CFAP97: variants seen among roughly 807,000 people sequenced by gnomAD.
CFAP97 encodes cilia- and flagella-associated protein 97.
A neutral mutation model predicts 43.1 loss-of-function variants in CFAP97; 36 were observed. The observed-to-expected ratio is 0.84, with a 90% CI of 0.64 to 1.10. The LOEUF (loss-of-function observed/expected upper bound fraction) is 1.10. CFAP97 is among the 50% of genes least tolerant of loss of function. The probability of loss-of-function intolerance (pLI) is 0.00; values close to 1 mark genes in which losing one functional copy is unlikely to be tolerated. For missense variants in CFAP97, 657 were observed against 620.3 expected (o/e 1.06, Z -0.63); for synonymous variants, 228 against 225.7 (o/e 1.01, Z -0.09).
chr4:185,167,534 TATATGGTCAGAAAG>T (rs1224043771), intron 3 of CFAP97, among the ~76,000 whole-genome samples: 2 of 152,124 alleles, frequency 1.3e-5, no homozygotes, highest in African/African-American at 4.8e-5. Context: ...AAATATAAGC[TATATGGTCAGAAAG>T]ATTTGGGCTT....
upstream of CFAP97, chr4:185,209,888 C>A: frequency 2.0e-6 from 2 of 983,342 alleles, no homozygotes; most frequent in Non-Finnish European, 2.4e-6. The surrounding 1 kb of genome is among the most constrained non-coding windows in gnomAD (Gnocchi z 5.2). Flanking sequence ...GCCGCAGGCG[C>A]CGGCGGCCGT....
At position 185,176,161 on chromosome 4, in the gene CFAP97, G is replaced by A. The variant is rs976339005; in HGVS notation, c.1055-110C>T. 1.6e-5 allele frequency: 15 copies of A among 946,468 alleles called. No homozygotes were observed. The African/African-American group carries it at 2.3e-4, about 15-fold the overall frequency. 58.6% of individuals were successfully genotyped at this position (946,468 alleles called of 1,614,324 possible). The stretch of plus-strand genomic sequence containing the variant: ...GAGTTTCACTCTTGTTACCCAGACT[G>A]GAGTGCAATGGGACAATCTTAGCTC... On this transcript the variant is annotated intron_variant, in intron 2 of 4. Transcript: ENST00000458385.
upstream of CFAP97, among the ~76,000 whole-genome samples, chr4:185,206,513 G>T (rs1737191387): frequency 6.6e-6 from 1 of 151,822 alleles, no homozygotes; most frequent in South Asian, 2.1e-4. Flanking sequence ...CAAAAAATTA[G>T]CCAGGCATGC....
In CFAP97 at chr4:185,190,235, G is replaced by C; in HGVS notation, c.962C>G (p.Ser321Ter). 6.2e-7 allele frequency: 1 copy of C among 1,613,676 alleles called. No homozygotes were observed. The highest frequency in any genetic ancestry group is 8.5e-7 in the Non-Finnish European group (1 of 1,179,764). Residue 321 changes from serine (S) to a stop codon, truncating the protein, a stop_gained, in exon 2 of 5, where the codon TCA becomes TGA. Transcript: ENST00000458385. LOFTEE classifies it high-confidence loss of function. ...GKEKHEPDVSSKSSSVLDSSL... is the reference protein window; with the variant it reads ...GKEKHEPDVS Reference sequence around the variant, plus strand: ...GGAGTCTAACACTGAAGACGACTTTGAGGAGACATCAGGCTCATGTTTTTC... The same window carrying C: ...GGAGTCTAACACTGAAGACGACTTTCAGGAGACATCAGGCTCATGTTTTTC...
At chr4:185,203,104 A>G (rs1043736970) in intron 1 of CFAP97, among the ~76,000 whole-genome samples, 1 of 151,822 alleles carries the variant, frequency 6.6e-6, no homozygotes, top group East Asian at 1.9e-4. Flanking sequence ...GGAGGCCAAG[A>G]CAGGAGGATC....
At chr4:185,173,340 TGAC>T (rs1403048748) in intron 3 of CFAP97, among the ~76,000 whole-genome samples, 1 of 134,930 alleles carries the variant, frequency 7.4e-6, no homozygotes, top group Non-Finnish European at 1.5e-5. Context: ...TCCAGCCTGG[TGAC>T]GAGCCAGACT....
intron 3 of CFAP97, among the ~76,000 whole-genome samples, chr4:185,167,686 T>C (rs963730193): frequency 6.6e-6 from 1 of 152,082 alleles, no homozygotes; most frequent in Non-Finnish European, 1.5e-5. Flanking sequence ...CTTAAAATAG[T>C]GCCTAGTATC....
chr4:185,191,858 A>T (rs1438447753), intron 1 of CFAP97, among the ~76,000 whole-genome samples: 1 of 151,894 alleles, frequency 6.6e-6, no homozygotes. Context: ...AAAAACAAAA[A>T]CCCCAAAGAT....
rs2111300644 is a variant in CFAP97 at position 185,160,623 on chromosome 4, T to G, written c.*2175A>C. 1 of 151,452 alleles carries G rather than the reference T, an allele frequency of 6.6e-6. No homozygotes were observed. Among genetic ancestry groups the G allele is most frequent in the African/African-American group, 2.4e-5 (1 of 41,336 alleles). The allele number at this position is 151,452 out of a possible 1,614,324, so 9.4% of individuals were successfully genotyped here. ...ACTCTTGCCCTTTCCAACTTTTACT[T>G]TAAGTTGGATCCCTGTTATCAGTAA... On this transcript the variant is annotated 3_prime_UTR_variant, in exon 5 of 5. Transcript: ENST00000458385.
intron 2 of CFAP97, among the ~76,000 whole-genome samples, chr4:185,187,427 T>C (rs1274986407): frequency 6.6e-6 from 1 of 151,948 alleles, no homozygotes; most frequent in African/African-American, 2.4e-5. Flanking sequence ...TTTCAGAGTC[T>C]AGTAAGTATC....
chr4:185,209,402 A>C lies in CFAP97; in HGVS notation c.-151T>G, dbSNP rs1442172908. 2 of 152,294 alleles carry C rather than the reference A, an allele frequency of 1.3e-5. No homozygotes were observed. Among genetic ancestry groups the C allele is most frequent in the Non-Finnish European group, 2.9e-5 (2 of 68,082 alleles). The allele number at this position is 152,294 out of a possible 1,614,324, so 9.4% of individuals were successfully genotyped here. On this transcript the variant is annotated 5_prime_UTR_variant, in exon 1 of 3. Transcript: ENST00000503223. The surrounding 1 kb of genome is among the most constrained non-coding windows in gnomAD (Gnocchi z 5.2). ...AACAGACGGCATCCTGTAGAGGAGG[A>C]GGGGAGCGTGGGAAAGAGAGGTGTG...
upstream of CFAP97, among the ~76,000 whole-genome samples, chr4:185,208,026 C>G (rs1737265984): frequency 6.6e-6 from 1 of 152,182 alleles, no homozygotes; most frequent in Admixed American, 6.5e-5. Context: ...GTAGGGTACA[C>G]TTTGAGGGGC....
intron 3 of CFAP97, among the ~76,000 whole-genome samples, chr4:185,174,555 C>T (rs1469281388): frequency 6.6e-6 from 1 of 152,154 alleles, no homozygotes; most frequent in Admixed American, 6.5e-5. Context: ...GGTAATGACA[C>T]ATAAGGAGGG....
intron 1 of CFAP97, among the ~76,000 whole-genome samples, chr4:185,193,070 T>TAA (rs1262674007): frequency 1.3e-5 from 2 of 151,770 alleles, no homozygotes; most frequent in African/African-American, 4.8e-5. Flanking sequence ...TATTCTCCAC[T>TAA]AAAAAACCCC....
chr4:185,198,302 G>T (rs1252045790), intron 1 of CFAP97, among the ~76,000 whole-genome samples: 1 of 151,836 alleles, frequency 6.6e-6, no homozygotes, highest in East Asian at 1.9e-4. Context: ...AACCAGCCAG[G>T]TGTGGTGGCA....
chr4:185,190,264 C>A lies in CFAP97; in HGVS notation c.933G>T (p.Gly311=). The A allele has an allele frequency of 6.2e-7, 1 of 1,612,962 alleles. No individual in the cohort carries two copies. The highest frequency in any genetic ancestry group is 8.5e-7 in the Non-Finnish European group (1 of 1,179,310). ...AGACATCAGGCTCATGTTTTTCTTT[C>A]CCTTTTTTGGCTGCTTTCAAATATT... The part of the protein sequence containing the change: ...NSKYLKAAKK[G]KEKHEPDVSS... Residue 311 remains glycine, a synonymous_variant, in exon 2 of 5, where the codon GGG becomes GGT. Coordinates refer to ENST00000458385, the MANE Select transcript of CFAP97 (RefSeq NM_020827.3).
At chr4:185,182,850 A>C (rs780765038) in intron 2 of CFAP97, among the ~76,000 whole-genome samples, 1 of 152,216 alleles carries the variant, frequency 6.6e-6, no homozygotes, top group Non-Finnish European at 1.5e-5. Context: ...CTGTAATCCC[A>C]GCACTTTGGG....
intron 2 of CFAP97, among the ~76,000 whole-genome samples, chr4:185,184,304 T>A (rs909583775): frequency 6.6e-6 from 1 of 152,212 alleles, no homozygotes; most frequent in Admixed American, 6.5e-5. Context: ...GTATATCTAT[T>A]TTCCTCCTAC....
At chr4:185,199,095 G>GGGTACA (rs1168274814) in intron 1 of CFAP97, among the ~76,000 whole-genome samples, 2 of 152,010 alleles carry the variant, frequency 1.3e-5, no homozygotes, top group African/African-American at 4.8e-5. Flanking sequence ...CCCTTAGGCT[G>GGGTACA]GGTACAGTGG....
Sources: allele counts gnomAD v4.1 joint callset (sites outside exome capture counted in the v4.1 genomes callset), GRCh38; gene constraint gnomAD v4.1.1; non-coding constraint Gnocchi (gnomAD v3.1); transcripts MANE v1.5; gene names NCBI Gene and HGNC (gene_info 2026-07-23, HGNC 2026-07-21).